The following SLC26A4 variants were observed in gnomAD, a reference collection of about 807,000 sequenced individuals.
SLC26A4 encodes solute carrier family 26 member 4.
Under a neutral mutation model 90.4 loss-of-function variants are expected in SLC26A4, and 93 were observed. The observed-to-expected ratio is 1.03, with a 90% CI of 0.87 to 1.22. SLC26A4 has a LOEUF of 1.22. Among genes scored for constraint, SLC26A4 ranks in the 50% most tolerant of loss-of-function variants. SLC26A4 has a pLI of 0.00. For missense variants in SLC26A4, 1,127 were observed against 946.2 expected (o/e 1.19, Z -2.51); for synonymous variants, 393 against 354.6 (o/e 1.11, Z -1.22).
intron 6 of SLC26A4, among the ~76,000 whole-genome samples, chr7:107,679,810 A>C (rs1427844289): frequency 6.8e-6 from 1 of 146,538 alleles, no homozygotes; most frequent in East Asian, 2.0e-4. Flanking sequence ...ATAATCTTAT[A>C]TTATTATATA....
chr7:107,697,134 C>T (rs931929747), intron 13 of SLC26A4, among the ~76,000 whole-genome samples: 3 of 152,194 alleles, frequency 2.0e-5, no homozygotes, highest in African/African-American at 4.8e-5. Flanking sequence ...GTCTCAGAAA[C>T]GCTCCTTAGA....
chr7:107,670,944 G>A (rs1372211821), intron 3 of SLC26A4, among the ~76,000 whole-genome samples: 1 of 152,154 alleles, frequency 6.6e-6, no homozygotes. Flanking sequence ...TTGCCTAGTG[G>A]AGGAGTTGGT....
intron 18 of SLC26A4, 140 bp from the exon 19 acceptor site, chr7:107,709,914 T>C: frequency 1.5e-6 from 1 of 676,204 alleles, no homozygotes; most frequent in East Asian, 2.7e-5. Context: ...GGGGATCACT[T>C]GAACTTGGGA....
rs2129316961 is a variant in SLC26A4, at chr7:107,694,717, G to A, written c.1437+1G>A. 2.5e-6 allele frequency: 4 copies of A among 1,582,736 alleles called. No homozygotes were observed. Among genetic ancestry groups the A allele is most frequent in the Non-Finnish European group, 3.5e-6 (4 of 1,151,420 alleles). On this transcript the variant is annotated splice_donor_variant, in intron 12 of 20. Coordinates refer to ENST00000644269, the MANE Select transcript of SLC26A4 (RefSeq NM_000441.2). LOFTEE classifies it high-confidence loss of function. ...GTGGAGACAGAATAAGATTGATGCT[G>A]TAAGTCACCTACCACCTATATTTAT...
chr7:107,670,895 T>G (rs2129310912), intron 3 of SLC26A4, among the ~76,000 whole-genome samples: 1 of 152,294 alleles, frequency 6.6e-6, no homozygotes, highest in South Asian at 2.1e-4. Flanking sequence ...TGTTGATTTC[T>G]CTATAGCCAG....
rs1491372077 is a variant in SLC26A4, at chr7:107,682,130, A to AAAG, written c.766-1072_766-1071insAAG. ...AAAAAAAAAAAAAAAAAAAAAAAAA[A>AAAG]TTTTTTTTATGTTATCTTAGTTCAA... is the stretch of plus-strand genomic sequence containing the variant. On this transcript the variant is annotated intron_variant, in intron 6 of 20. Transcript: ENST00000644269. 4.9e-3 allele frequency among the ~76,000 whole-genome samples: 358 copies of AAAG among 73,388 alleles called. 6 individuals are homozygous for AAAG. The highest frequency in any genetic ancestry group is 0.018 in the African/African-American group (353 of 19,958). The allele number at this position is 73,388 out of a possible 152,430, so 48.1% of individuals were successfully genotyped here.
intron 8 of SLC26A4, among the ~76,000 whole-genome samples, chr7:107,686,391 TTC>T (rs1309021841): frequency 4.1e-5 from 6 of 145,572 alleles, no homozygotes; most frequent in African/African-American, 7.6e-5. Context: ...CCTTCCTTCC[TTC>T]CTCTCTCTCT....
intron 2 of SLC26A4, among the ~76,000 whole-genome samples, chr7:107,662,744 T>C (rs961098713): frequency 6.6e-6 from 1 of 152,234 alleles, no homozygotes; most frequent in Non-Finnish European, 1.5e-5. Flanking sequence ...AAACAATTTA[T>C]TCAAATCAGG....
Position 107,710,088 on chromosome 7 carries a change from C to T in SLC26A4, c.2124C>T (p.Phe708=), listed in dbSNP as rs1562843460. The T allele has an allele frequency of 1.2e-6, 2 of 1,612,744 alleles. No individual in the cohort carries two copies. Among genetic ancestry groups the T allele is most frequent in the South Asian group, 2.2e-5 (2 of 91,054 alleles). The change falls in exon 19 of 21, where the codon TTC becomes TTT. Residue 708 remains phenylalanine (F), a synonymous_variant. Transcript: ENST00000644269. ...TAGAAAAGCTGGAGCAATGCGGGTT[C>T]TTTGACGACAACATTAGAAAGGACA... ...YVIEKLEQCG[F]FDDNIRKDTF...
chr7:107,672,085 C>A, intron 3 of SLC26A4, 53 bp from the exon 4 acceptor site: 1 of 1,120,176 alleles, frequency 8.9e-7, no homozygotes, highest in Non-Finnish European at 1.4e-6. Context: ...TGAGGACTTT[C>A]TGCATACTGT....
intron 16 of SLC26A4, 50 bp downstream of exon 16, chr7:107,701,246 G>A: frequency 8.5e-7 from 1 of 1,177,958 alleles, no homozygotes; most frequent in South Asian, 1.2e-5. Flanking sequence ...TTTCCCTGAT[G>A]AGAGCAGTTA....
At chr7:107,694,848 T>C in intron 12 of SLC26A4, 132 bp downstream of exon 12, 1 of 719,156 alleles carries the variant, frequency 1.4e-6, no homozygotes, top group Non-Finnish European at 2.5e-6. Context: ...AAATTAGAAT[T>C]GTGGGGATAA....
chr7:107,661,856 C>T lies in SLC26A4; in HGVS notation c.164+51C>T, dbSNP rs1383306050. ...AGAGAAGCGGAGCGGGGCGTCCACGCCTTGGGGAGGGAAGGGCGTCCCCAG... is the reference window on the plus strand; with the variant it reads ...AGAGAAGCGGAGCGGGGCGTCCACGTCTTGGGGAGGGAAGGGCGTCCCCAG... On this transcript the variant is annotated intron_variant, in intron 2 of 20. Transcript: ENST00000644269. The surrounding 1 kb of genome is among the most constrained non-coding windows in gnomAD (Gnocchi z 5.1). 6.6e-7 allele frequency: 1 copy of T among 1,512,200 alleles called. No homozygotes were observed. Among genetic ancestry groups the T allele is most frequent in the Non-Finnish European group, 8.8e-7 (1 of 1,130,856 alleles). The allele number at this position is 1,512,200 out of a possible 1,614,324, so 93.7% of individuals were successfully genotyped here.
chr7:107,693,495 T>A, intron 10 of SLC26A4: 3 of 985,500 alleles, frequency 3.0e-6, no homozygotes, highest in Non-Finnish European at 3.6e-6. Flanking sequence ...TTCCCAGTTG[T>A]TTCCTCTCTG....
intron 3 of SLC26A4, among the ~76,000 whole-genome samples, chr7:107,669,995 C>T (rs186093884): frequency 4.5e-4 from 68 of 152,132 alleles, no homozygotes; most frequent in Non-Finnish European, 7.8e-4. Flanking sequence ...GCTGCATTGG[C>T]AGTAATTTAT....
chr7:107,681,752 A>G (rs1791235792), intron 6 of SLC26A4, among the ~76,000 whole-genome samples: 1 of 152,086 alleles, frequency 6.6e-6, no homozygotes, highest in East Asian at 1.9e-4. Flanking sequence ...TTTACAAAAC[A>G]AAACTAGTTT....
chr7:107,710,064 A>G lies in SLC26A4; in HGVS notation c.2100A>G (p.Ile700Met), dbSNP rs1057520633. The change falls in exon 19 of 21, where the codon ATA becomes ATG. Residue 700 changes from isoleucine to methionine, a missense_variant. Physicochemically the swap from Ile to Met is conservative, Grantham distance 10. Transcript: ENST00000644269. ...VYFASLQDYV[I>M]EKLEQCGFFD... ...GTCTTTCTTTTGAAGATTATGTGAT[A>G]GAAAAGCTGGAGCAATGCGGGTTCT... The G allele has an allele frequency of 1.4e-5, 22 of 1,613,240 alleles. No individual in the cohort carries two copies. The East Asian group carries it at 4.9e-4, about 36-fold the overall frequency.
Position 107,675,075 on chromosome 7 carries a change from C to G in SLC26A4, c.731C>G (p.Thr244Ser), listed in dbSNP as rs576711020. 6.2e-7 allele frequency: 1 copy of G among 1,613,872 alleles called. No homozygotes were observed. Among genetic ancestry groups the G allele is most frequent in the East Asian group, 2.2e-5 (1 of 44,870 alleles). Residue 244 changes from threonine (T) to serine (S), a missense_variant, in exon 6 of 21, where the codon ACC (threonine) becomes AGC (serine). Physicochemically the swap from Thr to Ser is moderately conservative, Grantham distance 58 (BLOSUM62 1). Coordinates refer to ENST00000644269, the MANE Select transcript of SLC26A4 (RefSeq NM_000441.2). ...CTAAAGATTGTCCTCAATGTTTCAA[C>G]CAAAAACTACAATGGAGTTCTCTCT... ...SQLKIVLNVSTKNYNGVLSII... is the reference protein window; with the variant it reads ...SQLKIVLNVSSKNYNGVLSII...
chr7:107,675,285 T>TA lies in SLC26A4; in HGVS notation c.765+197dup, dbSNP rs60022317. On this transcript the variant is annotated intron_variant, in intron 6 of 20. Coordinates refer to ENST00000644269, the MANE Select transcript of SLC26A4 (RefSeq NM_000441.2). Reference sequence around the variant, plus strand: ...GTTTGAGACGTGAGACCTCATCTCTTAAAAAAAAAAAAAAAAAAAAAGAAA... The same window carrying TA: ...GTTTGAGACGTGAGACCTCATCTCTTAAAAAAAAAAAAAAAAAAAAAAGAAA... Among the ~76,000 whole-genome samples, 878 of 96,720 alleles carry TA rather than the reference T, an allele frequency of 9.1e-3. 10 individuals are homozygous for TA. The highest frequency in any genetic ancestry group is 0.01 in the Non-Finnish European group (504 of 48,910). The allele number at this position is 96,720 out of a possible 152,430, so 63.5% of individuals were successfully genotyped here. A position where few individuals can be genotyped will look rare whatever the true frequency, so the allele number is the denominator to read the frequency against.
Sources: gnomAD v4.1 joint callset for allele counts (sites outside exome capture counted in the v4.1 genomes callset) on GRCh38, gnomAD v4.1.1 for gene constraint, Gnocchi (gnomAD v3.1) non-coding constraint, MANE v1.5 for transcripts, NCBI Gene and HGNC (gene_info 2026-07-23, HGNC 2026-07-21) for gene names.